The following DDX10 variants were observed in gnomAD, a reference collection of about 807,000 sequenced individuals.
DDX10 encodes the protein DEAD-box helicase 10.
In DDX10, 74 loss-of-function variants were observed where a neutral mutation model predicts 104.3. That is an observed-to-expected ratio of 0.71 (90% CI 0.59 to 0.86). The LOEUF (loss-of-function observed/expected upper bound fraction) is 0.86, where lower values mean the gene tolerates loss of function less well. Among genes scored for constraint, DDX10 ranks in the 40% least tolerant of loss-of-function variants. The pLI is 0.00. For missense variants in DDX10, 952 were observed against 1,040.0 expected, an observed-to-expected ratio of 0.92 and a Z score of 1.16; for synonymous variants, 351 against 353.4, an observed-to-expected ratio of 0.99 and a Z score of 0.08.
At chr11:108,799,780 C>T (rs1040182134) in intron 13 of DDX10, among the ~76,000 whole-genome samples, 1 of 152,104 alleles carries the variant, frequency 6.6e-6, no homozygotes, top group African/African-American at 2.4e-5. Context: ...AGAACTTTGT[C>T]TTATTTATTC....
intron 16 of DDX10, among the ~76,000 whole-genome samples, chr11:108,855,784 T>G (rs1481127693): frequency 1.3e-5 from 2 of 152,132 alleles, no homozygotes; most frequent in Non-Finnish European, 2.9e-5. Flanking sequence ...TAAACAAAAG[T>G]CTGAGGCTGA....
Position 108,827,248 on chromosome 11 carries a change from G to A in DDX10, c.1966-11198G>A, listed in dbSNP as rs527637608. ...CTATCTGTCATACATTGGGGATACA[G>A]ATAGAATAAAAATTGTCTTAACTCT... On this transcript the variant is annotated intron_variant, in intron 13 of 17. Transcript: ENST00000322536. Among the ~76,000 whole-genome samples the A allele has an allele frequency of 7.2e-5, 11 of 152,316 alleles. No homozygotes were observed. The South Asian group carries it at 2.3e-3, about 32-fold the overall frequency.
chr11:108,775,054 A>C (rs557095822), intron 13 of DDX10, among the ~76,000 whole-genome samples: 2 of 152,364 alleles, frequency 1.3e-5, no homozygotes, highest in Non-Finnish European at 2.9e-5. Context: ...GACAGAGACC[A>C]CGGTGAAACG....
At position 108,722,042 on chromosome 11, in the gene DDX10, C is replaced by G. The variant is rs142561055; in HGVS notation, c.1500-955C>G. Among the ~76,000 whole-genome samples the G allele has an allele frequency of 7.6e-3, 1,162 of 152,228 alleles. 13 individuals are homozygous for G. Among genetic ancestry groups the G allele is most frequent in the Non-Finnish European group, 7.8e-3 (531 of 68,004 alleles). Reference sequence around the variant, plus strand: ...TCAACTAATTTATTCTTACAACAACCCTGTGAGGTAGGTACTCTTAGCATC... The same window carrying G: ...TCAACTAATTTATTCTTACAACAACGCTGTGAGGTAGGTACTCTTAGCATC... On this transcript the variant is annotated intron_variant, in intron 12 of 17. Transcript: ENST00000322536.
At chr11:108,910,738 T>C (rs1490716176) in intron 16 of DDX10, among the ~76,000 whole-genome samples, 16 of 4,474 alleles carry the variant, frequency 3.6e-3, no homozygotes, top group South Asian at 0.033. Flanking sequence ...CGTGTGTGTG[T>C]GTGTGTGTGT....
chr11:108,839,794 T>C (rs1008469296), intron 14 of DDX10, among the ~76,000 whole-genome samples: 1 of 152,066 alleles, frequency 6.6e-6, no homozygotes, highest in Non-Finnish European at 1.5e-5. Context: ...GAAAAAGAGG[T>C]CAGCACCTGA....
intron 6 of DDX10, among the ~76,000 whole-genome samples, chr11:108,681,241 T>C (rs2094234640): frequency 1.3e-5 from 2 of 152,150 alleles, no homozygotes; most frequent in African/African-American, 4.8e-5. Flanking sequence ...TTCTGTAAAT[T>C]ACAAAGTTTT....
rs186885171 is a variant in DDX10, at chr11:108,880,180, C to T, written c.2304+27971C>T. ...TCAAGATTGGTTTCTGAGGAGGACT[C>T]TGTTTCACCCTCTTACTGTGTTCTG... On this transcript the variant is annotated intron_variant, in intron 16 of 17. Coordinates refer to ENST00000322536, the MANE Select transcript of DDX10 (RefSeq NM_004398.4). Among the ~76,000 whole-genome samples, 592 of 152,306 alleles carry T rather than the reference C, an allele frequency of 3.9e-3. 7 individuals carry two copies. Among genetic ancestry groups the T allele is most frequent in the African/African-American group, 0.014 (566 of 41,570 alleles).
intron 13 of DDX10, among the ~76,000 whole-genome samples, chr11:108,783,538 T>C (rs1490735035): frequency 2.0e-5 from 3 of 152,234 alleles, no homozygotes; most frequent in Admixed American, 6.5e-5. Context: ...CTGGGAGATA[T>C]GAACATGTTT....
At chr11:108,919,175 A>T (rs558677313) in intron 17 of DDX10, 20 of 152,348 alleles carry the variant, frequency 1.3e-4, no homozygotes, top group African/African-American at 4.3e-4. Context: ...TTCTGAGGTG[A>T]TGCCAGAAAC....
rs1365271495 is a variant in DDX10 at position 108,912,764 on chromosome 11, A to C, written c.2305-5109A>C. Among the ~76,000 whole-genome samples, 3 of 152,218 alleles carry C rather than the reference A, an allele frequency of 2.0e-5. No individual in the cohort carries two copies. In the East Asian group the frequency reaches 5.8e-4, roughly 29 times the overall value. On this transcript the variant is annotated intron_variant, in intron 16 of 17. Coordinates refer to ENST00000322536, the MANE Select transcript of DDX10 (RefSeq NM_004398.4). ...AGAACTCAAAGTCATCCCTCTGCTC[A>C]TGTGAGAAAAATGCTTATCTGAGTG...
chr11:108,732,010 T>C (rs551527889), intron 13 of DDX10, among the ~76,000 whole-genome samples: 62 of 152,344 alleles, frequency 4.1e-4, no homozygotes, highest in Non-Finnish European at 7.1e-4. Context: ...TTGTTACTTA[T>C]AACTTATCCT....
intron 6 of DDX10, among the ~76,000 whole-genome samples, chr11:108,684,455 G>GT (rs1303150869): frequency 6.9e-6 from 1 of 144,844 alleles, no homozygotes; most frequent in Non-Finnish European, 1.5e-5. Context: ...GCAGTGTTTG[G>GT]TTTTTTGTTC....
chr11:108,701,951 T>A (rs1251751799), intron 9 of DDX10, among the ~76,000 whole-genome samples: 1 of 152,178 alleles, frequency 6.6e-6, no homozygotes, highest in Non-Finnish European at 1.5e-5. Context: ...CCCAAAGTGC[T>A]GGGGTTACAG....
chr11:108,697,821 AT>A (rs901260450), intron 9 of DDX10, among the ~76,000 whole-genome samples: 48 of 152,334 alleles, frequency 3.2e-4, no homozygotes, highest in African/African-American at 1.0e-3. Flanking sequence ...AGTAGAAAAT[AT>A]TTGGGAATGG....
chr11:108,693,272 C>T (rs1264285598), intron 8 of DDX10, among the ~76,000 whole-genome samples: 1 of 152,212 alleles, frequency 6.6e-6, no homozygotes, highest in Non-Finnish European at 1.5e-5. Context: ...CAATCTGTCT[C>T]TTCCGTGTCA....
chr11:108,762,917 C>T (rs943629394), intron 13 of DDX10, among the ~76,000 whole-genome samples: 6 of 152,158 alleles, frequency 3.9e-5, no homozygotes, highest in African/African-American at 1.4e-4. Context: ...TGCTGGCTTT[C>T]CTTCGCTGTA....
intron 13 of DDX10, among the ~76,000 whole-genome samples, chr11:108,804,907 T>C (rs935316474): frequency 1.3e-5 from 2 of 152,218 alleles, no homozygotes; most frequent in Non-Finnish European, 2.9e-5. Context: ...ATTAATCAGC[T>C]TTCCATATAA....
At chr11:108,899,957 CA>C (rs1404893384) in intron 16 of DDX10, among the ~76,000 whole-genome samples, 4 of 151,966 alleles carry the variant, frequency 2.6e-5, no homozygotes, top group African/African-American at 9.7e-5. Context: ...CTACTAAATA[CA>C]AAAAATTAGC....
Sources: gnomAD v4.1 joint callset for allele counts (sites outside exome capture counted in the v4.1 genomes callset) on GRCh38, gnomAD v4.1.1 for gene constraint, MANE v1.5 for transcripts, NCBI Gene and HGNC (gene_info 2026-07-23, HGNC 2026-07-21) for gene names.